CEP112: variants seen among roughly 807,000 people sequenced by gnomAD.
CEP112 encodes centrosomal protein of 112 kDa.
CEP112 carries 127 observed loss-of-function variants against 153.0 expected under a neutral mutation model. The observed-to-expected ratio is 0.83, with a 90% CI of 0.72 to 0.96. CEP112 has a LOEUF of 0.96. Among genes scored for constraint, CEP112 ranks in the 40% least tolerant of loss-of-function variants. The probability of loss-of-function intolerance (pLI) is 0.00; values close to 1 mark genes in which losing one functional copy is unlikely to be tolerated. For synonymous variants in CEP112, 358 were observed against 374.4 expected, an observed-to-expected ratio of 0.96 and a Z score of 0.51; for missense variants, 1,089 against 1,101.2, an observed-to-expected ratio of 0.99 and a Z score of 0.16.
chr17:65,749,048 G>T (rs2051645312), intron 22 of CEP112, among the ~76,000 whole-genome samples: 1 of 152,122 alleles, frequency 6.6e-6, no homozygotes, highest in Non-Finnish European at 1.5e-5. Flanking sequence ...TTGATTGCAA[G>T]AATCTTTTTC....
At chr17:66,139,855 A>C (rs1344777304) in intron 4 of CEP112, among the ~76,000 whole-genome samples, 1 of 152,196 alleles carries the variant, frequency 6.6e-6, no homozygotes, top group African/African-American at 2.4e-5. Context: ...TCTACCAAAC[A>C]TTTGAGAAGT....
At chr17:66,128,670 A>G (rs2069978598) in intron 6 of CEP112, among the ~76,000 whole-genome samples, 1 of 152,220 alleles carries the variant, frequency 6.6e-6, no homozygotes, top group South Asian at 2.1e-4. Flanking sequence ...AGATTCTTAT[A>G]AGGAATTTTA....
chr17:65,858,943 C>T (rs751229247), intron 20 of CEP112, among the ~76,000 whole-genome samples: 13 of 152,260 alleles, frequency 8.5e-5, no homozygotes, highest in Non-Finnish European at 1.8e-4. Flanking sequence ...CTCATCCCCA[C>T]CCAAAATAGT....
Position 65,850,303 on chromosome 17 carries a change from G to T in CEP112, c.2394+1501C>A, listed in dbSNP as rs78181347. ...CATGTCCCGAGAGGCCCAACCTATT[G>T]GTCTTGTAGTCTTCTTCCTTTCGGC... is the stretch of plus-strand genomic sequence containing the variant. On this transcript the variant is annotated intron_variant, in intron 21 of 26. Coordinates refer to ENST00000535342, the MANE Select transcript of CEP112 (RefSeq NM_001199165.4). Among the ~76,000 whole-genome samples the T allele has an allele frequency of 3.1e-3, 477 of 151,902 alleles. 3 individuals carry two copies. The highest frequency in any genetic ancestry group is 0.011 in the African/African-American group (453 of 41,404).
intron 21 of CEP112, among the ~76,000 whole-genome samples, chr17:65,773,338 C>T (rs2053491411): frequency 6.6e-6 from 1 of 152,174 alleles, no homozygotes; most frequent in Admixed American, 6.5e-5. Flanking sequence ...CCCAGTCTTT[C>T]CTTGATGACC....
chr17:65,802,237 G>T (rs773434834), intron 21 of CEP112, among the ~76,000 whole-genome samples: 2 of 152,014 alleles, frequency 1.3e-5, no homozygotes, highest in African/African-American at 4.8e-5. Flanking sequence ...ACTTTGTGGA[G>T]GCTTTTACTC....
chr17:65,922,418 T>C (rs904637665), intron 19 of CEP112, among the ~76,000 whole-genome samples: 2 of 152,222 alleles, frequency 1.3e-5, no homozygotes, highest in Non-Finnish European at 2.9e-5. Flanking sequence ...TAACTCAAAA[T>C]ACTTTTTATT....
chr17:66,073,233 G>T (rs1175635813), intron 8 of CEP112, among the ~76,000 whole-genome samples: 1 of 152,144 alleles, frequency 6.6e-6, no homozygotes, highest in Non-Finnish European at 1.5e-5. Flanking sequence ...TCAAGTATTG[G>T]ACAATAGGTA....
chr17:65,777,863 T>C (rs1008462289), intron 21 of CEP112, among the ~76,000 whole-genome samples: 2 of 152,224 alleles, frequency 1.3e-5, no homozygotes, highest in Non-Finnish European at 2.9e-5. Context: ...ACTGTACCTA[T>C]GACACACTGG....
intron 17 of CEP112, among the ~76,000 whole-genome samples, chr17:65,968,248 G>A (rs1422450099): frequency 6.6e-6 from 1 of 151,976 alleles, no homozygotes; most frequent in Non-Finnish European, 1.5e-5. Context: ...CAGATCAAAG[G>A]AATAAAGAAA....
chr17:65,847,060 C>G (rs2057753237), intron 21 of CEP112, among the ~76,000 whole-genome samples: 1 of 152,186 alleles, frequency 6.6e-6, no homozygotes, highest in Non-Finnish European at 1.5e-5. Flanking sequence ...CATATGGACT[C>G]TGAGGTTGGT....
At chr17:66,093,742 G>C (rs528854994) in intron 8 of CEP112, among the ~76,000 whole-genome samples, 1 of 152,202 alleles carries the variant, frequency 6.6e-6, no homozygotes, top group Non-Finnish European at 1.5e-5. Flanking sequence ...TGGTTAAAAT[G>C]TCCATGCTAT....
intron 24 of CEP112, among the ~76,000 whole-genome samples, chr17:65,656,820 T>A (rs1190803233): frequency 1.3e-5 from 2 of 152,146 alleles, no homozygotes; most frequent in African/African-American, 4.8e-5. Flanking sequence ...ACAATAAATA[T>A]TTGCTGATGA....
intron 8 of CEP112, among the ~76,000 whole-genome samples, chr17:66,090,791 T>C (rs551990133): frequency 2.8e-4 from 42 of 152,190 alleles, no homozygotes; most frequent in African/African-American, 9.9e-4. Context: ...ATGCTTCCTA[T>C]AAGAAATTCA....
chr17:66,096,551 C>A lies in CEP112; in HGVS notation c.690+34G>T. 2 of 1,430,140 alleles carry A rather than the reference C, an allele frequency of 1.4e-6. 1 individual carries two copies. Among genetic ancestry groups the A allele is most frequent in the South Asian group, 2.4e-5 (2 of 82,976 alleles). The allele number at this position is 1,430,140 out of a possible 1,614,324, so 88.6% of individuals were successfully genotyped here. A position where few individuals can be genotyped will look rare whatever the true frequency, so the allele number is the denominator to read the frequency against. ...TGATTATTTTATTTTAAAATACCTGCCCCTAGAAAAAGTCCAATGGATTTC... is the reference window on the plus strand; with the variant it reads ...TGATTATTTTATTTTAAAATACCTGACCCTAGAAAAAGTCCAATGGATTTC... On this transcript the variant is annotated intron_variant, in intron 7 of 26. Coordinates refer to ENST00000535342, the MANE Select transcript of CEP112 (RefSeq NM_001199165.4).
At chr17:66,143,643 T>G (rs569038703) in intron 4 of CEP112, among the ~76,000 whole-genome samples, 3 of 152,330 alleles carry the variant, frequency 2.0e-5, no homozygotes, top group African/African-American at 7.2e-5. Context: ...TTAAAGGAAT[T>G]ATAGCTTCAT....
At chr17:65,788,774 G>A (rs913253121) in intron 21 of CEP112, among the ~76,000 whole-genome samples, 7 of 151,520 alleles carry the variant, frequency 4.6e-5, no homozygotes, top group South Asian at 2.1e-4. Context: ...TTTTCTGACC[G>A]GTCTTCTAAA....
At chr17:65,762,589 T>A (rs929609629) in intron 21 of CEP112, among the ~76,000 whole-genome samples, 10 of 151,972 alleles carry the variant, frequency 6.6e-5, no homozygotes, top group Admixed American at 2.6e-4. Flanking sequence ...GCTTCTTTTT[T>A]AAAACATATT....
intron 8 of CEP112, among the ~76,000 whole-genome samples, chr17:66,078,369 T>C: frequency 6.6e-6 from 1 of 151,590 alleles, no homozygotes; most frequent in East Asian, 1.9e-4. Flanking sequence ...GGGATTCTCC[T>C]GCCTCAGCCT....
Sources: allele counts gnomAD v4.1 joint callset (sites outside exome capture counted in the v4.1 genomes callset), GRCh38; gene constraint gnomAD v4.1.1; transcripts MANE v1.5; gene names NCBI Gene and HGNC (gene_info 2026-07-23, HGNC 2026-07-21).